The following PTPRD variants were observed in gnomAD, a reference collection of about 807,000 sequenced individuals.
The protein encoded by PTPRD is protein tyrosine phosphatase receptor type D.
A neutral mutation model predicts 214.5 loss-of-function variants in PTPRD; 34 were observed. That is an observed-to-expected ratio of 0.16 (90% confidence interval 0.12 to 0.21). The LOEUF (loss-of-function observed/expected upper bound fraction) is 0.21, where lower values mean the gene tolerates loss of function less well. PTPRD is among the 10% of genes least tolerant of loss of function. The pLI, the probability that PTPRD is intolerant of heterozygous loss-of-function variation, is 1.00. For synonymous variants in PTPRD, 1,128 were observed against 845.7 expected (o/e 1.33, Z -5.79); for missense variants, 2,545 against 2,398.7 (o/e 1.06, Z -1.27).
chr9:8,719,862 G>GAA (rs374144247), intron 12 of PTPRD, among the ~76,000 whole-genome samples: 7 of 138,474 alleles, frequency 5.1e-5, no homozygotes, highest in Admixed American at 3.6e-4. Flanking sequence ...AAAAGAAAAA[G>GAA]AAAAAAAAAA....
intron 11 of PTPRD, among the ~76,000 whole-genome samples, chr9:8,918,581 ATG>A (rs904139940): frequency 6.6e-5 from 10 of 152,054 alleles, no homozygotes; most frequent in Non-Finnish European, 5.9e-5. Context: ...GTGTGTGTGT[ATG>A]TGTGTATGCA....
At chr9:8,863,507 A>T (rs1192604836) in intron 11 of PTPRD, among the ~76,000 whole-genome samples, 1 of 152,244 alleles carries the variant, frequency 6.6e-6, no homozygotes, top group Non-Finnish European at 1.5e-5. Context: ...TTAATATATG[A>T]CAAGCTGTCA....
intron 5 of PTPRD, among the ~76,000 whole-genome samples, chr9:9,828,649 A>C (rs1229357593): frequency 6.6e-6 from 1 of 152,116 alleles, no homozygotes; most frequent in African/African-American, 2.4e-5. Flanking sequence ...CTTAAAGTAT[A>C]ATAATAAAAG....
intron 37 of PTPRD, among the ~76,000 whole-genome samples, chr9:8,379,860 C>G (rs897969646): frequency 1.3e-5 from 2 of 152,074 alleles, no homozygotes; most frequent in African/African-American, 4.8e-5. Context: ...CATGGAAGGT[C>G]AGGCAGAGTC....
chr9:8,844,747 T>C (rs1352543308), intron 11 of PTPRD, among the ~76,000 whole-genome samples: 1 of 152,210 alleles, frequency 6.6e-6, no homozygotes, highest in Admixed American at 6.5e-5. Context: ...ATATGCTAGG[T>C]CACAGGAAAT....
intron 7 of PTPRD, among the ~76,000 whole-genome samples, chr9:9,588,153 AC>A (rs1013701352): frequency 6.6e-6 from 1 of 151,790 alleles, no homozygotes; most frequent in African/African-American, 2.4e-5. Flanking sequence ...AAAAAAATAG[AC>A]CCAGTGAAGC....
intron 3 of PTPRD, among the ~76,000 whole-genome samples, chr9:10,154,187 T>C (rs2099079603): frequency 6.6e-6 from 1 of 152,168 alleles, no homozygotes; most frequent in Admixed American, 6.6e-5. Context: ...AGATGGTATC[T>C]CATTGTGGTT....
intron 2 of PTPRD, among the ~76,000 whole-genome samples, chr9:10,552,072 A>G (rs756148805): frequency 1.3e-5 from 2 of 152,188 alleles, no homozygotes; most frequent in East Asian, 1.9e-4. Context: ...GATTCATGTT[A>G]TATCACTTGG....
chr9:8,467,309 C>G (rs961343609), intron 31 of PTPRD, among the ~76,000 whole-genome samples: 2 of 151,748 alleles, frequency 1.3e-5, no homozygotes, highest in Non-Finnish European at 2.9e-5. Flanking sequence ...AACACAAGGC[C>G]AGAAAGGTAG....
At chr9:10,452,867 G>A (rs1013417365) in intron 2 of PTPRD, among the ~76,000 whole-genome samples, 3 of 151,490 alleles carry the variant, frequency 2.0e-5, no homozygotes, top group African/African-American at 4.8e-5. Flanking sequence ...TGTTTTCTCC[G>A]TTTTTGGAAT....
At chr9:9,378,749 T>A (rs993541404) in intron 9 of PTPRD, among the ~76,000 whole-genome samples, 3 of 152,126 alleles carry the variant, frequency 2.0e-5, no homozygotes, top group African/African-American at 7.2e-5. Flanking sequence ...GAATTCACAT[T>A]TCTCTAATGA....
intron 2 of PTPRD, among the ~76,000 whole-genome samples, chr9:10,489,120 AC>A (rs1321549884): frequency 6.6e-6 from 1 of 152,212 alleles, no homozygotes; most frequent in African/African-American, 2.4e-5. Flanking sequence ...TTAACATAGT[AC>A]TAAGTATCAC....
Position 9,330,691 on chromosome 9 carries a change from C to A in PTPRD, c.-203+66758G>T, listed in dbSNP as rs570016527. On this transcript the variant is annotated intron_variant, in intron 9 of 45. Transcript: ENST00000381196. The stretch of plus-strand genomic sequence containing the variant: ...TAATTTTGTCCTAGGATAATCAATA[C>A]CCTTAAATGGAACAAACTCATATAT... Among the ~76,000 whole-genome samples the A allele has an allele frequency of 4.0e-4, 60 of 151,778 alleles. 1 individual carries two copies. The highest frequency in any genetic ancestry group is 3.4e-3 in the Admixed American group (51 of 15,192).
At chr9:10,342,200 C>T (rs147906295) in intron 2 of PTPRD, among the ~76,000 whole-genome samples, 14 of 152,150 alleles carry the variant, frequency 9.2e-5, no homozygotes, top group African/African-American at 3.1e-4. Context: ...TGACTCCTGT[C>T]CACATCATGA....
intron 2 of PTPRD, among the ~76,000 whole-genome samples, chr9:10,601,214 G>T (rs1180160134): frequency 4.0e-5 from 6 of 151,634 alleles, no homozygotes; most frequent in African/African-American, 1.5e-4. Context: ...AAGTAAGGTA[G>T]AGTCAGGGAG....
At chr9:9,619,471 T>C (rs542266487) in intron 7 of PTPRD, among the ~76,000 whole-genome samples, 1 of 148,100 alleles carries the variant, frequency 6.8e-6, no homozygotes, top group Non-Finnish European at 1.5e-5. Context: ...TGGGTATATA[T>C]TCACATATTC....
chr9:8,380,772 T>C (rs1057429720), intron 37 of PTPRD, among the ~76,000 whole-genome samples: 4 of 152,180 alleles, frequency 2.6e-5, no homozygotes, highest in African/African-American at 9.7e-5. Flanking sequence ...GCTCTCGTTC[T>C]AGGCTATTTT....
intron 11 of PTPRD, among the ~76,000 whole-genome samples, chr9:8,851,162 A>G (rs1366634754): frequency 6.6e-6 from 1 of 151,918 alleles, no homozygotes; most frequent in Non-Finnish European, 1.5e-5. Flanking sequence ...TGCACTGGGC[A>G]AAAGTCTAAG....
chr9:9,606,216 T>C (rs12378274), intron 7 of PTPRD, among the ~76,000 whole-genome samples: 13,587 of 152,146 alleles, frequency 0.089, 684 homozygotes, highest in Middle Eastern at 0.18. Flanking sequence ...AAATGCCTAA[T>C]AGACTTAGAC....
Sources: gnomAD v4.1 joint callset for allele counts (sites outside exome capture counted in the v4.1 genomes callset) on GRCh38, gnomAD v4.1.1 for gene constraint, MANE v1.5 for transcripts, NCBI Gene and HGNC (gene_info 2026-07-23, HGNC 2026-07-21) for gene names.